Variants in ENPP6 observed in about 807,000 individuals in gnomAD.
ENPP6 encodes the protein glycerophosphocholine cholinephosphodiesterase ENPP6.
ENPP6 carries 32 observed loss-of-function variants against 42.0 expected under a neutral mutation model. The observed-to-expected ratio is 0.76, with a 90% confidence interval of 0.58 to 1.02. The LOEUF is 1.02. Among genes scored for constraint, ENPP6 ranks in the 50% least tolerant of loss-of-function variants. The pLI, the probability that ENPP6 is intolerant of heterozygous loss-of-function variation, is 0.00. For missense variants in ENPP6, 552 were observed against 566.8 expected (o/e 0.97, Z 0.27); for synonymous variants, 213 against 216.0 (o/e 0.99, Z 0.12).
intron 2 of ENPP6, among the ~76,000 whole-genome samples, chr4:184,148,721 T>C (rs1736967828): frequency 6.6e-6 from 1 of 152,200 alleles, no homozygotes; most frequent in Non-Finnish European, 1.5e-5. Flanking sequence ...AGCCTGCCCT[T>C]GCCAGACATT....
At chr4:184,208,938 G>A (rs1385468803) in intron 1 of ENPP6, among the ~76,000 whole-genome samples, 25 of 143,624 alleles carry the variant, frequency 1.7e-4, no homozygotes, top group South Asian at 6.7e-4. Context: ...CCTGACCCCC[G>A]AGCAGCCTAA....
intron 6 of ENPP6, among the ~76,000 whole-genome samples, chr4:184,102,155 T>G (rs954492127): frequency 1.1e-4 from 17 of 152,190 alleles, no homozygotes; most frequent in African/African-American, 4.1e-4. Context: ...TACCTCCGAA[T>G]CAGAAACCCA....
At chr4:184,113,731 A>C (rs996059703) in intron 5 of ENPP6, among the ~76,000 whole-genome samples, 4 of 152,180 alleles carry the variant, frequency 2.6e-5, no homozygotes, top group African/African-American at 9.7e-5. Context: ...GCCATTAACT[A>C]CATTGCTAAT....
intron 6 of ENPP6, among the ~76,000 whole-genome samples, chr4:184,098,879 T>C (rs1735954037): frequency 6.6e-6 from 1 of 152,172 alleles, no homozygotes; most frequent in South Asian, 2.1e-4. Flanking sequence ...CTATTTCAAA[T>C]GCAGGAGGTA....
chr4:184,184,941 G>C lies in ENPP6; in HGVS notation c.242-31208C>G, dbSNP rs751313654. Among the ~76,000 whole-genome samples, 2 of 152,216 alleles carry C rather than the reference G, an allele frequency of 1.3e-5. No homozygotes were observed. Among genetic ancestry groups the C allele is most frequent in the Admixed American group, 1.3e-4 (2 of 15,288 alleles). On this transcript the variant is annotated intron_variant, in intron 1 of 7. Transcript: ENST00000296741. The surrounding 1 kb of genome is among the most constrained non-coding windows in gnomAD (Gnocchi z 4.7). ...TAGGGAGCTGACACAAAGGCTGCGA[G>C]ACAGGAGGAATGGGAGGAGAGGAGC... is the stretch of plus-strand genomic sequence containing the variant.
chr4:184,148,429 T>C (rs1390638932), intron 2 of ENPP6, among the ~76,000 whole-genome samples: 3 of 152,224 alleles, frequency 2.0e-5, no homozygotes, highest in Non-Finnish European at 4.4e-5. Context: ...TAGACAGCTA[T>C]AAAAACTTTT....
chr4:184,144,852 G>A (rs551808016), intron 2 of ENPP6, among the ~76,000 whole-genome samples: 7 of 152,354 alleles, frequency 4.6e-5, no homozygotes, highest in African/African-American at 9.6e-5. Flanking sequence ...CCCACCCTGG[G>A]GTACAATCCC....
intron 1 of ENPP6, among the ~76,000 whole-genome samples, chr4:184,186,548 G>T (rs1430185889): frequency 6.6e-6 from 1 of 152,198 alleles, no homozygotes; most frequent in African/African-American, 2.4e-5. Context: ...AAGTCAGTGG[G>T]AGGTTCTAGA....
At chr4:184,119,312 GGTGTGTGTGTGTGTGTGTGTGTGT>G (rs6148837) in intron 3 of ENPP6, among the ~76,000 whole-genome samples, 41,182 of 144,096 alleles carry the variant, frequency 0.29, 6,416 homozygotes, top group Admixed American at 0.42. Context: ...TCTGTTTCTT[GGTGTGTGTGTGTGTGTGTGTGTGT>G]GTGTGTGTGT....
chr4:184,156,643 A>G (rs947252101), intron 1 of ENPP6, among the ~76,000 whole-genome samples: 1 of 152,178 alleles, frequency 6.6e-6, no homozygotes, highest in Non-Finnish European at 1.5e-5. Flanking sequence ...TTCAGGTATG[A>G]TGTAAGGAAT....
intron 1 of ENPP6, among the ~76,000 whole-genome samples, chr4:184,185,198 G>A (rs187849739): frequency 6.6e-6 from 1 of 152,306 alleles, no homozygotes; most frequent in African/African-American, 2.4e-5. Flanking sequence ...GAACTACAGG[G>A]TCATGGGTGG....
chr4:184,145,691 T>A (rs1296879922), intron 2 of ENPP6, among the ~76,000 whole-genome samples: 1 of 152,226 alleles, frequency 6.6e-6, no homozygotes, highest in Non-Finnish European at 1.5e-5. Context: ...AATTTCTTTT[T>A]CAGAGAAACT....
At chr4:184,187,123 CTG>C (rs1463491155) in intron 1 of ENPP6, among the ~76,000 whole-genome samples, 1 of 152,182 alleles carries the variant, frequency 6.6e-6, no homozygotes, top group East Asian at 1.9e-4. Context: ...GGTCTGGCAT[CTG>C]TGAGAGGAGA....
chr4:184,155,828 AT>A (rs2111079810), intron 1 of ENPP6, among the ~76,000 whole-genome samples: 1 of 152,322 alleles, frequency 6.6e-6, no homozygotes, highest in South Asian at 2.1e-4. Flanking sequence ...ACCCCATATC[AT>A]TTGGTGAAAA....
intron 6 of ENPP6, among the ~76,000 whole-genome samples, chr4:184,102,678 G>A (rs1736026366): frequency 6.6e-6 from 1 of 152,188 alleles, no homozygotes; most frequent in South Asian, 2.1e-4. Context: ...CTGTTGCAGG[G>A]CCTTGCCTGG....
chr4:184,152,985 C>A (rs1737081783), intron 2 of ENPP6, among the ~76,000 whole-genome samples: 1 of 150,358 alleles, frequency 6.7e-6, no homozygotes, highest in Non-Finnish European at 1.5e-5. Context: ...GTATATCCAA[C>A]ATTTTGCACA....
At chr4:184,207,578 G>A (rs796577567) in intron 1 of ENPP6, among the ~76,000 whole-genome samples, 10 of 152,352 alleles carry the variant, frequency 6.6e-5, no homozygotes, top group African/African-American at 2.2e-4. Flanking sequence ...TCCACACACC[G>A]CTCTTCAGAG....
chr4:184,105,597 C>G (rs1736073918), intron 6 of ENPP6, among the ~76,000 whole-genome samples: 1 of 152,176 alleles, frequency 6.6e-6, no homozygotes, highest in Non-Finnish European at 1.5e-5. Context: ...ACAGTATCCA[C>G]AATGCAGAGA....
chr4:184,157,614 T>C (rs1737192099), intron 1 of ENPP6, among the ~76,000 whole-genome samples: 1 of 149,934 alleles, frequency 6.7e-6, no homozygotes, highest in Admixed American at 6.7e-5. Context: ...TCCTTTTCTC[T>C]CTCTTTCTCT....
Sources: gnomAD v4.1 joint callset for allele counts (sites outside exome capture counted in the v4.1 genomes callset) on GRCh38, gnomAD v4.1.1 for gene constraint, Gnocchi (gnomAD v3.1) non-coding constraint, MANE v1.5 for transcripts, NCBI Gene and HGNC (gene_info 2026-07-23, HGNC 2026-07-21) for gene names.